The following ACADL variants were observed in gnomAD, a reference collection of about 807,000 sequenced individuals.
The protein encoded by ACADL is acyl-CoA dehydrogenase long chain.
In ACADL, 60 loss-of-function variants were observed where a neutral mutation model predicts 56.9. That is an observed-to-expected ratio of 1.05 (90% CI 0.86 to 1.31). The LOEUF (loss-of-function observed/expected upper bound fraction) is 1.31. ACADL is among the 50% of genes most tolerant of loss of function. The probability of loss-of-function intolerance (pLI) is 0.00; values close to 1 mark genes in which losing one functional copy is unlikely to be tolerated. For missense variants in ACADL, 484 were observed against 525.5 expected, an observed-to-expected ratio of 0.92 and a Z score of 0.77; for synonymous variants, 158 against 179.7, an observed-to-expected ratio of 0.88 and a Z score of 0.97.
At chr2:210,210,738 G>T (rs1559638624) in intron 4 of ACADL, among the ~76,000 whole-genome samples, 1 of 152,142 alleles carries the variant, frequency 6.6e-6, no homozygotes, top group Non-Finnish European at 1.5e-5. Context: ...TTGAGCCCGG[G>T]AGTTTGAGAC....
intron 8 of ACADL, among the ~76,000 whole-genome samples, chr2:210,196,694 C>T (rs1350040540): frequency 1.3e-5 from 2 of 152,112 alleles, no homozygotes; most frequent in Non-Finnish European, 1.5e-5. Flanking sequence ...TTCTTAGGTC[C>T]AAGGCCCAGA....
At chr2:210,195,183 C>T (rs761648323) in intron 9 of ACADL, 28 bp downstream of exon 9, 23 of 1,613,340 alleles carry the variant, frequency 1.4e-5, no homozygotes, top group Middle Eastern at 1.7e-4. Flanking sequence ...GAGCACACAC[C>T]GCACTCTAAT....
intron 8 of ACADL, 77 bp downstream of exon 8, chr2:210,203,254 A>G (rs1396164982): frequency 2.0e-6 from 2 of 976,184 alleles, no homozygotes; most frequent in African/African-American, 3.2e-5. Flanking sequence ...AAATAACTCC[A>G]AACTTCTATT....
At chr2:210,205,552 T>A in intron 6 of ACADL, 80 bp downstream of exon 6, 1 of 1,409,196 alleles carries the variant, frequency 7.1e-7, no homozygotes, top group Non-Finnish European at 1.0e-6. Context: ...TTGTGCCACA[T>A]GTAATCCTCT....
chr2:210,222,666 G>T (rs1259466268), intron 1 of ACADL, among the ~76,000 whole-genome samples: 1 of 152,126 alleles, frequency 6.6e-6, no homozygotes, highest in Non-Finnish European at 1.5e-5. Flanking sequence ...TAGAGCAAAG[G>T]CTGTATGTCT....
chr2:210,206,660 C>G (rs973373298), intron 5 of ACADL, among the ~76,000 whole-genome samples: 8 of 152,082 alleles, frequency 5.3e-5, no homozygotes, highest in Admixed American at 5.2e-4. Flanking sequence ...ATACAGAAAA[C>G]AGTATACTCA....
intron 1 of ACADL, among the ~76,000 whole-genome samples, chr2:210,222,655 C>T (rs1402075502): frequency 6.6e-6 from 1 of 152,052 alleles, no homozygotes; most frequent in Non-Finnish European, 1.5e-5. Context: ...AAAAGAACAA[C>T]TAGAGCAAAG....
intron 9 of ACADL, 48 bp downstream of exon 9, chr2:210,195,163 A>G (rs777703575): frequency 6.2e-6 from 10 of 1,612,834 alleles, no homozygotes; most frequent in East Asian, 4.5e-5. Context: ...GCAGAATTCC[A>G]TATCAGTCTG....
chr2:210,203,220 G>T, intron 8 of ACADL, 111 bp downstream of exon 8: 1 of 761,974 alleles, frequency 1.3e-6, no homozygotes, highest in Non-Finnish European at 2.3e-6. Flanking sequence ...CCACTTCCAT[G>T]GTTTCTAATA....
rs1046438897 is a variant in ACADL, at chr2:210,188,112, A to G, written c.*849T>C. The G allele has an allele frequency of 1.3e-5, 2 of 152,096 alleles. No individual in the cohort carries two copies. The highest frequency in any genetic ancestry group is 4.8e-5 in the African/African-American group (2 of 41,406). 9.4% of individuals were successfully genotyped at this position (152,096 alleles called of 1,614,324 possible). A position where few individuals can be genotyped will look rare whatever the true frequency, so the allele number is the denominator to read the frequency against. On this transcript the variant is annotated 3_prime_UTR_variant, in exon 11 of 11. Coordinates refer to ENST00000233710, the MANE Select transcript of ACADL (RefSeq NM_001608.4). ...TTGTTTATTCACTTATTTTTTAGTG[A>G]TCTTGCCAGTTTTGTTTGTCATCAT...
Position 210,203,426 on chromosome 2 carries a change from CA to C in ACADL, c.888del (p.Asp297MetfsTer38). ...KELPQERLLI[A>X]DVAISASEFM... is the part of the protein sequence containing the mutation. ...AATTCACTAGCTGAAATTGCCACAT[CA>C]GCAATTAACAGCCTTTCCTATAACA... On this transcript the variant is annotated frameshift_variant, in exon 8 of 11. Coordinates refer to ENST00000233710, the MANE Select transcript of ACADL (RefSeq NM_001608.4). LOFTEE classifies it high-confidence loss of function. 2 of 1,612,602 alleles carry C rather than the reference CA, an allele frequency of 1.2e-6. No homozygotes were observed. The highest frequency in any genetic ancestry group is 1.7e-6 in the Non-Finnish European group (2 of 1,179,122).
rs1407381824 is a variant in ACADL at position 210,192,637 on chromosome 2, A to AT, written c.1199+166dup. Among the ~76,000 whole-genome samples the AT allele has an allele frequency of 3.3e-5, 5 of 151,906 alleles. No individual in the cohort carries two copies. In the East Asian group the frequency reaches 9.6e-4, roughly 29 times the overall value. ...AAAATAAAATCCTAGTAGGGAGTTG[A>AT]TAAAAAAAAAGCTGTTTCCATTTGC... is the stretch of plus-strand genomic sequence containing the variant. On this transcript the variant is annotated intron_variant, in intron 10 of 10. Transcript: ENST00000233710.
At chr2:210,198,005 CT>C (rs1158459788) in intron 8 of ACADL, among the ~76,000 whole-genome samples, 2 of 152,266 alleles carry the variant, frequency 1.3e-5, no homozygotes, top group Non-Finnish European at 2.9e-5. Context: ...CTGCATTATG[CT>C]TTCTGAAATC....
chr2:210,218,017 G>C lies in ACADL; in HGVS notation c.319C>G (p.Leu107Val). ...GLLGVNIAEH[L>V]GGIGGDLYSA... ...TACAGATCCCCTCCAATTCCACCAA[G>C]ATGCTCTGCAATATTGACACCAAGC... Residue 107 changes from leucine to valine, a missense_variant, in exon 3 of 11, where the codon CTT becomes GTT. Leu to Val is a conservative substitution (Grantham distance 32). Coordinates refer to ENST00000233710, the MANE Select transcript of ACADL (RefSeq NM_001608.4). 1 of 1,613,950 alleles carries C rather than the reference G, an allele frequency of 6.2e-7. No individual in the cohort carries two copies. The highest frequency in any genetic ancestry group is 1.1e-5 in the South Asian group (1 of 91,080).
At chr2:210,197,562 C>T (rs772752384) in intron 8 of ACADL, among the ~76,000 whole-genome samples, 17 of 152,078 alleles carry the variant, frequency 1.1e-4, no homozygotes, top group Non-Finnish European at 2.4e-4. Flanking sequence ...ATGAAAATCC[C>T]TGAAGATGGT....
intron 5 of ACADL, among the ~76,000 whole-genome samples, chr2:210,208,017 G>A (rs1382218832): frequency 6.6e-6 from 1 of 152,030 alleles, no homozygotes; most frequent in Non-Finnish European, 1.5e-5. Context: ...TCCATTACAC[G>A]ACTCCCTTGC....
Position 210,211,159 on chromosome 2 carries a change from A to G in ACADL, c.537-897T>C, listed in dbSNP as rs139230828. ...ATCTTTCCAATATTTTTCTATGGACATAACTATACATATATATGCATTTTT... is the reference window on the plus strand; with the variant it reads ...ATCTTTCCAATATTTTTCTATGGACGTAACTATACATATATATGCATTTTT... On this transcript the variant is annotated intron_variant, in intron 4 of 10. Coordinates refer to ENST00000233710, the MANE Select transcript of ACADL (RefSeq NM_001608.4). Among the ~76,000 whole-genome samples the G allele has an allele frequency of 2.4e-3, 370 of 152,334 alleles. 4 individuals carry two copies. In the East Asian group the frequency reaches 0.034, roughly 14 times the overall value.
chr2:210,193,805 G>A (rs1688671521), intron 9 of ACADL, among the ~76,000 whole-genome samples: 2 of 152,022 alleles, frequency 1.3e-5, no homozygotes, highest in Non-Finnish European at 2.9e-5. Context: ...TCAAGTAGGA[G>A]TTACTACAGT....
chr2:210,206,934 T>C (rs1688896992), intron 5 of ACADL, among the ~76,000 whole-genome samples: 1 of 152,142 alleles, frequency 6.6e-6, no homozygotes, highest in Non-Finnish European at 1.5e-5. Context: ...TTCTGGATAG[T>C]TCCACCTGAT....
Sources: gnomAD v4.1 joint callset for allele counts (sites outside exome capture counted in the v4.1 genomes callset) on GRCh38, gnomAD v4.1.1 for gene constraint, MANE v1.5 for transcripts, NCBI Gene and HGNC (gene_info 2026-07-23, HGNC 2026-07-21) for gene names.